The following DENND1B variants were observed in gnomAD, a reference collection of about 807,000 sequenced individuals.
DENND1B encodes DENN domain containing 1B.
DENND1B carries 59 observed loss-of-function variants against 90.1 expected under a neutral mutation model. The ratio of observed to expected loss-of-function variants is 0.65; its 90% confidence interval spans 0.53 to 0.81. DENND1B has a LOEUF of 0.81. DENND1B is among the 40% of genes least tolerant of loss of function. The pLI is 0.00. For missense variants in DENND1B, 862 were observed against 912.6 expected, an observed-to-expected ratio of 0.94 and a Z score of 0.71; for synonymous variants, 337 against 324.6, an observed-to-expected ratio of 1.04 and a Z score of -0.41.
rs547295920 is a variant in DENND1B at position 197,683,551 on chromosome 1, T to C, written c.127-9382A>G. Among the ~76,000 whole-genome samples the C allele has an allele frequency of 1.2e-4, 19 of 152,260 alleles. No homozygotes were observed. The South Asian group carries it at 3.3e-3, about 27-fold the overall frequency. ...AAAACGGAGACATACAAGAGGTAGC[T>C]GGATAAAATTTCTGGTGCTCCACAG... is the stretch of plus-strand genomic sequence containing the variant. On this transcript the variant is annotated intron_variant, in intron 3 of 22. Transcript: ENST00000620048.
intron 5 of DENND1B, among the ~76,000 whole-genome samples, chr1:197,670,383 T>C (rs1197283847): frequency 6.7e-6 from 1 of 149,968 alleles, no homozygotes; most frequent in Non-Finnish European, 1.5e-5. Context: ...AAATCTTACC[T>C]GAAAATGATG....
chr1:197,734,227 GTATATAAACCAAACCATTCTT>G (rs1428898418), intron 2 of DENND1B: 3 of 890,198 alleles, frequency 3.4e-6, no homozygotes, highest in East Asian at 2.4e-4. Flanking sequence ...AATGAAAAGA[GTATATAAACCAAACCATTCTT>G]ATAAAAACTA....
At chr1:197,511,647 C>T in intron 22 of DENND1B, 81 bp downstream of exon 22, 1 of 1,114,540 alleles carries the variant, frequency 9.0e-7, no homozygotes, top group Non-Finnish European at 1.2e-6. Context: ...CTTCTACCAA[C>T]AAAGAGTATA....
intron 5 of DENND1B, 38 bp downstream of exon 5, chr1:197,671,999 C>G (rs199626023): frequency 3.4e-5 from 54 of 1,594,060 alleles, no homozygotes; most frequent in Non-Finnish European, 4.3e-6. Flanking sequence ...AGATAGTTAC[C>G]TATTTTGCAT....
At chr1:197,525,202 T>G (rs1409640891) in intron 20 of DENND1B, among the ~76,000 whole-genome samples, 8 of 152,156 alleles carry the variant, frequency 5.3e-5, no homozygotes, top group Admixed American at 5.2e-4. Context: ...ATAGTTCATA[T>G]GCCAAGTAAT....
At chr1:197,675,500 T>C (rs1253321543) in intron 3 of DENND1B, among the ~76,000 whole-genome samples, 1 of 152,080 alleles carries the variant, frequency 6.6e-6, no homozygotes, top group Non-Finnish European at 1.5e-5. Flanking sequence ...ATCATAATCA[T>C]GTACCTTTAA....
At chr1:197,568,663 T>C (rs1234890069) in intron 15 of DENND1B, among the ~76,000 whole-genome samples, 1 of 151,968 alleles carries the variant, frequency 6.6e-6, no homozygotes, top group Non-Finnish European at 1.5e-5. Flanking sequence ...TACAGACATA[T>C]GAAATAGAAT....
chr1:197,586,515 C>T (rs1013588027), intron 14 of DENND1B, among the ~76,000 whole-genome samples: 12 of 151,932 alleles, frequency 7.9e-5, no homozygotes, highest in African/African-American at 2.7e-4. Context: ...CCACTGATAT[C>T]GACAGTAACA....
chr1:197,640,301 C>T (rs952172726), intron 10 of DENND1B, among the ~76,000 whole-genome samples: 1 of 151,544 alleles, frequency 6.6e-6, no homozygotes, highest in Non-Finnish European at 1.5e-5. Context: ...AGTGAAACCC[C>T]GTCTCTACTA....
intron 11 of DENND1B, among the ~76,000 whole-genome samples, chr1:197,614,654 T>C (rs1677479247): frequency 6.6e-6 from 1 of 150,978 alleles, no homozygotes; most frequent in Non-Finnish European, 1.5e-5. Flanking sequence ...AGCTTTTTTT[T>C]TCTTTTTAGG....
intron 14 of DENND1B, among the ~76,000 whole-genome samples, chr1:197,593,409 G>GA (rs1226711727): frequency 6.9e-6 from 1 of 145,416 alleles, no homozygotes; most frequent in African/African-American, 2.5e-5. Flanking sequence ...AATGTAAAAA[G>GA]AAAAAAATGT....
chr1:197,747,331 T>A (rs1164442356), intron 2 of DENND1B: 3 of 580,280 alleles, frequency 5.2e-6, no homozygotes, highest in Non-Finnish European at 9.7e-6. Context: ...GTTTTTCTGA[T>A]GCTCCCATCC....
chr1:197,597,642 T>C (rs1675825053), intron 13 of DENND1B, among the ~76,000 whole-genome samples: 1 of 151,832 alleles, frequency 6.6e-6, no homozygotes, highest in Admixed American at 6.6e-5. Context: ...TGCATAATTG[T>C]TGCCTGAGTT....
At chr1:197,538,035 AAAAT>A (rs1463797785) in intron 20 of DENND1B, among the ~76,000 whole-genome samples, 3 of 152,138 alleles carry the variant, frequency 2.0e-5, no homozygotes, top group Non-Finnish European at 4.4e-5. Flanking sequence ...CTTGTAATGA[AAAAT>A]AAATTAATTA....
At chr1:197,672,882 A>G (rs1157706500) in intron 4 of DENND1B, among the ~76,000 whole-genome samples, 1 of 152,068 alleles carries the variant, frequency 6.6e-6, no homozygotes, top group East Asian at 1.9e-4. Context: ...CTTTATTTCT[A>G]TTTAAAATAT....
At chr1:197,629,173 C>T (rs1679085120) in intron 10 of DENND1B, among the ~76,000 whole-genome samples, 1 of 152,120 alleles carries the variant, frequency 6.6e-6, no homozygotes, top group South Asian at 2.1e-4. Flanking sequence ...CATCCCATTA[C>T]TGGGTATATA....
At chr1:197,720,829 A>C (rs1661102506) in intron 2 of DENND1B, among the ~76,000 whole-genome samples, 2 of 152,206 alleles carry the variant, frequency 1.3e-5, no homozygotes, top group Non-Finnish European at 2.9e-5. Context: ...AGTGAAAATA[A>C]AAACAAATTC....
At chr1:197,673,400 A>C (rs1259879263) in intron 4 of DENND1B, among the ~76,000 whole-genome samples, 3 of 152,070 alleles carry the variant, frequency 2.0e-5, no homozygotes, top group African/African-American at 7.2e-5. Context: ...GTAAAATCAT[A>C]AAGTCTCACT....
chr1:197,620,932 C>T lies in DENND1B; in HGVS notation c.673-3173G>A, dbSNP rs114524501. ...GGAGCTATTTTAGATAGGAGGATTA[C>T]AGAAGAACTCTAACGTGGTGACATA... On this transcript the variant is annotated intron_variant, in intron 10 of 22. Transcript: ENST00000620048. Among the ~76,000 whole-genome samples the T allele has an allele frequency of 8.4e-3, 1,278 of 151,308 alleles. 19 individuals carry two copies. Among genetic ancestry groups the T allele is most frequent in the African/African-American group, 0.028 (1,175 of 41,414 alleles).
Sources: allele counts gnomAD v4.1 joint callset (sites outside exome capture counted in the v4.1 genomes callset), GRCh38; gene constraint gnomAD v4.1.1; transcripts MANE v1.5; gene names NCBI Gene and HGNC (gene_info 2026-07-23, HGNC 2026-07-21).